Variants in ZBTB7C observed in about 807,000 individuals in gnomAD.
The protein encoded by ZBTB7C is zinc finger and BTB domain containing 7C, also known as zinc finger and BTB domain-containing protein 7C.
In ZBTB7C, 8 loss-of-function variants were observed where a neutral mutation model predicts 25.7. The observed-to-expected ratio is 0.31, with a 90% CI of 0.18 to 0.56. The LOEUF (loss-of-function observed/expected upper bound fraction) is 0.56. Ranked by LOEUF, ZBTB7C falls within the 20% of genes least tolerant of loss-of-function variation. The probability of loss-of-function intolerance (pLI) is 0.91; values close to 1 mark genes in which losing one functional copy is unlikely to be tolerated. For missense variants in ZBTB7C, 824 were observed against 855.2 expected, an observed-to-expected ratio of 0.96 and a Z score of 0.46; for synonymous variants, 394 against 369.0, an observed-to-expected ratio of 1.07 and a Z score of -0.78.
intron 3 of ZBTB7C, among the ~76,000 whole-genome samples, chr18:48,105,140 G>A (rs886251744): frequency 1.3e-5 from 2 of 152,178 alleles, no homozygotes; most frequent in Non-Finnish European, 2.9e-5. Flanking sequence ...CCTCTCCTCA[G>A]AAGACAAGCC....
chr18:48,146,677 C>A (rs2040507156), intron 3 of ZBTB7C, among the ~76,000 whole-genome samples: 1 of 152,100 alleles, frequency 6.6e-6, no homozygotes, highest in African/African-American at 2.4e-5. Flanking sequence ...AAAAAATTTT[C>A]TTTCACCTTG....
intron 2 of ZBTB7C, among the ~76,000 whole-genome samples, chr18:48,321,907 G>T (rs1329799574): frequency 1.3e-5 from 2 of 152,248 alleles, no homozygotes; most frequent in African/African-American, 4.8e-5. Flanking sequence ...GGATGCTGAT[G>T]TCTGTAAGGT....
intron 3 of ZBTB7C, among the ~76,000 whole-genome samples, chr18:48,059,844 C>T (rs539241954): frequency 6.6e-6 from 1 of 152,276 alleles, no homozygotes; most frequent in East Asian, 1.9e-4. Flanking sequence ...CCCCAGCTGC[C>T]TCCTGGTCCC....
chr18:48,282,585 C>T (rs2044896768), intron 2 of ZBTB7C, among the ~76,000 whole-genome samples: 1 of 152,076 alleles, frequency 6.6e-6, no homozygotes, highest in African/African-American at 2.4e-5. Flanking sequence ...TTTTAATAGT[C>T]CCCACCTAGG....
intron 3 of ZBTB7C, among the ~76,000 whole-genome samples, chr18:48,181,151 C>T (rs1356505245): frequency 1.3e-5 from 2 of 152,158 alleles, no homozygotes; most frequent in Non-Finnish European, 2.9e-5. Context: ...CCTGGAGTCA[C>T]CCCTTTATCT....
At chr18:48,409,018 G>A (rs1294221333) in intron 1 of ZBTB7C, among the ~76,000 whole-genome samples, 1 of 149,786 alleles carries the variant, frequency 6.7e-6, no homozygotes, top group Non-Finnish European at 1.5e-5. Flanking sequence ...CCCACCGCGC[G>A]GAGGGCGCCC....
At chr18:48,397,217 A>G (rs931745018) in intron 1 of ZBTB7C, among the ~76,000 whole-genome samples, 1 of 152,244 alleles carries the variant, frequency 6.6e-6, no homozygotes, top group South Asian at 2.1e-4. Flanking sequence ...TGAACTGCAC[A>G]GGGCGGGAAC....
At chr18:48,041,803 ATATT>A (rs2036255901) in intron 3 of ZBTB7C, among the ~76,000 whole-genome samples, 9 of 152,198 alleles carry the variant, frequency 5.9e-5, no homozygotes. Context: ...TCACCTATAA[ATATT>A]TAAATTCAAT....
At chr18:48,411,148 A>G (rs1346720791), upstream of ZBTB7C, among the ~76,000 whole-genome samples, 1 of 152,178 alleles carries the variant, frequency 6.6e-6, no homozygotes, top group Non-Finnish European at 1.5e-5. Context: ...CTGGAATAGG[A>G]TGTAAGAGTG....
chr18:48,367,745 G>A (rs895032483), intron 1 of ZBTB7C, among the ~76,000 whole-genome samples: 1 of 152,022 alleles, frequency 6.6e-6, no homozygotes, highest in Non-Finnish European at 1.5e-5. Flanking sequence ...CTGGGATGGT[G>A]TCAGAGGAGG....
chr18:48,167,636 T>C (rs1394003166), intron 3 of ZBTB7C, among the ~76,000 whole-genome samples: 1 of 149,038 alleles, frequency 6.7e-6, no homozygotes, highest in Non-Finnish European at 1.5e-5. Flanking sequence ...AGACTCTGGG[T>C]CCTTCCAAGA....
At chr18:48,233,458 G>A (rs765353964) in intron 2 of ZBTB7C, among the ~76,000 whole-genome samples, 1 of 152,240 alleles carries the variant, frequency 6.6e-6, no homozygotes, top group Non-Finnish European at 1.5e-5. Context: ...AGGCTAGAAA[G>A]CCAGAATACA....
At chr18:48,117,167 T>C (rs745850570) in intron 3 of ZBTB7C, among the ~76,000 whole-genome samples, 11 of 152,314 alleles carry the variant, frequency 7.2e-5, no homozygotes, top group Admixed American at 2.6e-4. Context: ...TACCAGAACA[T>C]ACCAGTCCCT....
At chr18:48,396,616 C>T (rs1033280914) in intron 1 of ZBTB7C, among the ~76,000 whole-genome samples, 3 of 152,342 alleles carry the variant, frequency 2.0e-5, no homozygotes, top group African/African-American at 7.2e-5. Context: ...CCGAAGGAAG[C>T]ATATGCAAAC....
intron 3 of ZBTB7C, among the ~76,000 whole-genome samples, chr18:48,145,751 T>A (rs978303909): frequency 6.6e-6 from 1 of 152,234 alleles, no homozygotes; most frequent in Non-Finnish European, 1.5e-5. Context: ...TCCGTCTATA[T>A]GTTTATGTGT....
chr18:48,375,498 AAG>A (rs1043712596), intron 1 of ZBTB7C: 1 of 152,258 alleles, frequency 6.6e-6, no homozygotes, highest in African/African-American at 2.4e-5. Context: ...TCCTCAAGCG[AAG>A]AGAGCCTTCG....
chr18:48,312,041 T>C (rs1187901216), intron 2 of ZBTB7C, among the ~76,000 whole-genome samples: 1 of 152,210 alleles, frequency 6.6e-6, no homozygotes, highest in Non-Finnish European at 1.5e-5. Context: ...TCTGTGAAGC[T>C]CGGTCTGACC....
intron 2 of ZBTB7C, among the ~76,000 whole-genome samples, chr18:48,198,574 T>A (rs939632640): frequency 6.6e-6 from 1 of 152,142 alleles, no homozygotes; most frequent in Non-Finnish European, 1.5e-5. Context: ...CAGAGTTCCC[T>A]TCCTTCATCT....
chr18:48,270,760 T>C (rs1489925099), intron 2 of ZBTB7C, among the ~76,000 whole-genome samples: 2 of 151,686 alleles, frequency 1.3e-5, no homozygotes, highest in African/African-American at 2.4e-5. Context: ...CAGGATGGTC[T>C]CAATCTCTTG....
Sources: gnomAD v4.1 joint callset for allele counts (sites outside exome capture counted in the v4.1 genomes callset) on GRCh38, gnomAD v4.1.1 for gene constraint, MANE v1.5 for transcripts, NCBI Gene and HGNC (gene_info 2026-07-23, HGNC 2026-07-21) for gene names.